Variants in PKD1L3 observed in about 807,000 individuals in gnomAD.
PKD1L3 encodes polycystin-1-like protein 3.
In PKD1L3, 239 loss-of-function variants were observed where a neutral mutation model predicts 184.1. The observed-to-expected ratio is 1.30, with a 90% CI of 1.17 to 1.45. The LOEUF (loss-of-function observed/expected upper bound fraction) is 1.45, where lower values mean the gene tolerates loss of function less well. PKD1L3 is among the 40% of genes most tolerant of loss of function. The pLI is 0.00. For synonymous variants in PKD1L3, 996 were observed against 778.8 expected, an observed-to-expected ratio of 1.28 and a Z score of -4.64; for missense variants, 2,660 against 2,067.2, an observed-to-expected ratio of 1.29 and a Z score of -5.56.
intron 16 of PKD1L3, among the ~76,000 whole-genome samples, chr16:71,956,711 T>A (rs1399306900): frequency 6.6e-6 from 1 of 152,188 alleles, no homozygotes; most frequent in African/African-American, 2.4e-5. Flanking sequence ...AGTTTCAGTT[T>A]TGCAAAGTGA....
intron 28 of PKD1L3, among the ~76,000 whole-genome samples, chr16:71,931,848 C>G (rs1370204278): frequency 1.3e-5 from 2 of 152,078 alleles, no homozygotes; most frequent in Non-Finnish European, 2.9e-5. Flanking sequence ...TTTAGATTAC[C>G]TCTAGTACTT....
At chr16:71,997,640 A>T (rs1451710949) in intron 2 of PKD1L3, among the ~76,000 whole-genome samples, 1 of 151,982 alleles carries the variant, frequency 6.6e-6, no homozygotes, top group Non-Finnish European at 1.5e-5. Context: ...CCCAGCTACT[A>T]GGGAGGCTGA....
In PKD1L3 at chr16:71,958,780, C is replaced by CA. The variant is rs547912125; in HGVS notation, c.2612+4424dup. On this transcript the variant is annotated intron_variant, in intron 16 of 29. Coordinates refer to ENST00000620267, the MANE Select transcript of PKD1L3 (RefSeq NM_181536.2). Reference sequence around the variant, plus strand: ...TAGGCGATAGAGCAAGACTCTATCTCAAAAAAAAAAAAAAAAAAAAAAAAA... The same window carrying CA: ...TAGGCGATAGAGCAAGACTCTATCTCAAAAAAAAAAAAAAAAAAAAAAAAAA... Among the ~76,000 whole-genome samples, 202 of 65,094 alleles carry CA rather than the reference C, an allele frequency of 3.1e-3. 2 individuals are homozygous for CA. Among genetic ancestry groups the CA allele is most frequent in the Non-Finnish European group, 3.4e-3 (124 of 36,706 alleles). The allele number at this position is 65,094 out of a possible 152,430, so 42.7% of individuals were successfully genotyped here. A position where few individuals can be genotyped will look rare whatever the true frequency, so the allele number is the denominator to read the frequency against.
Position 72,000,030 on chromosome 16 carries a change from C to G in PKD1L3, c.-52G>C. 7.5e-7 allele frequency: 1 copy of G among 1,337,116 alleles called. No homozygotes were observed. The highest frequency in any genetic ancestry group is 1.6e-5 in the South Asian group (1 of 60,908). 82.8% of individuals were successfully genotyped at this position (1,337,116 alleles called of 1,614,324 possible). ...TGTGGGGGTTTAGCAGCTGCCTGGT[C>G]CTTTAAATATATATATTGGCGGGCT... On this transcript the variant is annotated 5_prime_UTR_variant, in exon 1 of 30. Transcript: ENST00000620267.
Position 71,936,103 on chromosome 16 carries a change from CTAAAT to C in PKD1L3, c.4453-590_4453-586del, listed in dbSNP as rs543913145. On this transcript the variant is annotated intron_variant, in intron 25 of 29. Coordinates refer to ENST00000620267, the MANE Select transcript of PKD1L3 (RefSeq NM_181536.2). ...GAGCCACCATGCCCAGCAAAAATTTCTAAATTAGTTATCAAGCCTGAGAATGAAAA... is the reference window on the plus strand; with the variant it reads ...GAGCCACCATGCCCAGCAAAAATTTCTAGTTATCAAGCCTGAGAATGAAAA... Among the ~76,000 whole-genome samples, 54 of 147,760 alleles carry C rather than the reference CTAAAT, an allele frequency of 3.7e-4. No homozygotes were observed. In the South Asian group the frequency reaches 0.011, roughly 31 times the overall value.
At chr16:71,998,488 T>G in intron 1 of PKD1L3, 94 bp from the exon 2 acceptor site, 1 of 1,446,146 alleles carries the variant, frequency 6.9e-7, no homozygotes, top group Non-Finnish European at 9.1e-7. Flanking sequence ...TCCCACTCAG[T>G]CACCCAAGCT....
At chr16:71,998,511 T>C in intron 1 of PKD1L3, 117 bp from the exon 2 acceptor site, 1 of 1,323,132 alleles carries the variant, frequency 7.6e-7, no homozygotes, top group Non-Finnish European at 1.0e-6. Flanking sequence ...AGTGCAGTGG[T>C]GTGATCTTCA....
At chr16:71,966,679 G>A (rs1389877278) in intron 15 of PKD1L3, among the ~76,000 whole-genome samples, 2 of 151,938 alleles carry the variant, frequency 1.3e-5, no homozygotes, top group Non-Finnish European at 2.9e-5. Context: ...TGATCTTCCT[G>A]CCTTGGCCTC....
At position 71,984,079 on chromosome 16, in the gene PKD1L3, T is replaced by G; in HGVS notation, c.923A>C (p.Gln308Pro). Residue 308 changes from glutamine (Q) to proline (P), a missense_variant, in exon 6 of 30, where the codon CAG becomes CCG. Physicochemically the swap from Gln to Pro is moderately conservative, Grantham distance 76. Transcript: ENST00000620267. The part of the protein sequence containing the change: ...NKLQEACEFL[Q>P]KLTALTPRFS... ...TCTTGGGGTTAAGGCTGTTAGTTTC[T>G]GGAGGAACTCACAAGCTTCCTGTAG... is the stretch of plus-strand genomic sequence containing the variant. The G allele has an allele frequency of 6.4e-7, 1 of 1,552,324 alleles. No individual in the cohort carries two copies. The highest frequency in any genetic ancestry group is 8.7e-7 in the Non-Finnish European group (1 of 1,147,110).
chr16:71,974,017 T>A (rs112029155), intron 11 of PKD1L3, among the ~76,000 whole-genome samples: 1,722 of 121,056 alleles, frequency 0.014, 71 homozygotes, highest in Admixed American at 0.097. Flanking sequence ...AAAAAAAAAA[T>A]ATATATATTC....
At chr16:71,942,109 G>A (rs1179959448) in intron 24 of PKD1L3, among the ~76,000 whole-genome samples, 1 of 151,734 alleles carries the variant, frequency 6.6e-6, no homozygotes. Context: ...GAGGTCAGGA[G>A]TTCAAGACCA....
At position 71,942,694 on chromosome 16, in the gene PKD1L3, C is replaced by T; in HGVS notation, c.4190G>A (p.Ser1397Asn). The change falls in exon 24 of 30, where the codon AGC becomes AAC. Residue 1397 changes from serine (S) to asparagine (N), a missense_variant. Coordinates refer to ENST00000620267, the MANE Select transcript of PKD1L3 (RefSeq NM_181536.2). ...CCTTAGATGAAGTCCAGGGAATAGG[C>T]TCTTGGGACGCCCACAGGTATGGCC... ...DNGHTCGRPKSLFPGLHLRRF... is the reference protein window; with the variant it reads ...DNGHTCGRPKNLFPGLHLRRF... The T allele has an allele frequency of 1.9e-6, 3 of 1,551,728 alleles. No homozygotes were observed. Among genetic ancestry groups the T allele is most frequent in the Middle Eastern group, 3.3e-4 (2 of 5,992 alleles).
chr16:71,967,325 G>C lies in PKD1L3; in HGVS notation c.2287-10C>G. ...AGAGGGTGATGACAACCTACAATGA[G>C]ACAGGGAAAGATAAAATATAAGGAA... is the stretch of plus-strand genomic sequence containing the variant. On this transcript the variant is annotated splice_polypyrimidine_tract_variant and intron_variant, in intron 14 of 29. Transcript: ENST00000620267. 6.5e-7 allele frequency: 1 copy of C among 1,543,976 alleles called. No homozygotes were observed. The highest frequency in any genetic ancestry group is 8.7e-7 in the Non-Finnish European group (1 of 1,144,040).
intron 13 of PKD1L3, among the ~76,000 whole-genome samples, chr16:71,968,398 A>C (rs1395343481): frequency 6.6e-6 from 1 of 152,202 alleles, no homozygotes; most frequent in Non-Finnish European, 1.5e-5. Flanking sequence ...TTTAAAATGC[A>C]AATTTAACTA....
rs763529021 is a variant in PKD1L3 at position 71,955,775 on chromosome 16, C to T, written c.2613-1474G>A. Among the ~76,000 whole-genome samples the T allele has an allele frequency of 2.4e-4, 37 of 152,222 alleles. 1 individual carries two copies. The highest frequency in any genetic ancestry group is 5.8e-4 in the African/African-American group (24 of 41,528). On this transcript the variant is annotated intron_variant, in intron 16 of 29. Coordinates refer to ENST00000620267, the MANE Select transcript of PKD1L3 (RefSeq NM_181536.2). ...GTTTCCCCCATCCTGTTCTTGTGATCGTGAGCGAGTTCTCACAAGACCTGA... is the reference window on the plus strand; with the variant it reads ...GTTTCCCCCATCCTGTTCTTGTGATTGTGAGCGAGTTCTCACAAGACCTGA...
At chr16:71,954,040 A>G in intron 17 of PKD1L3, 65 bp downstream of exon 17, 5 of 1,324,860 alleles carry the variant, frequency 3.8e-6, no homozygotes, top group Non-Finnish European at 5.0e-6. Context: ...ACAGAGCAAG[A>G]CCCTGTCTCA....
chr16:71,993,322 CAA>C lies in PKD1L3; in HGVS notation c.427_428del (p.Leu143GlyfsTer7), dbSNP rs1302629848. On this transcript the variant is annotated frameshift_variant, in exon 3 of 30. Coordinates refer to ENST00000620267, the MANE Select transcript of PKD1L3 (RefSeq NM_181536.2). LOFTEE classifies it high-confidence loss of function. Reference sequence around the variant, plus strand: ...TTCTTTCATAATGGGCATCTCCGTCCAAAAAGTCACCTATTTGAAAGCCAACA... The same window carrying C: ...TTCTTTCATAATGGGCATCTCCGTCCAAAGTCACCTATTTGAAAGCCAACA... ...YYFICQTGDF[L>X]DGDAHYERNG... The C allele has an allele frequency of 4.5e-6, 7 of 1,542,804 alleles. No homozygotes were observed. The highest frequency in any genetic ancestry group is 3.3e-4 in the Middle Eastern group (2 of 5,978).
Position 71,947,592 on chromosome 16 carries a change from C to A in PKD1L3, c.3619-1G>T. On this transcript the variant is annotated splice_acceptor_variant, in intron 21 of 29. Coordinates refer to ENST00000620267, the MANE Select transcript of PKD1L3 (RefSeq NM_181536.2). LOFTEE classifies it high-confidence loss of function. ...AGTATAAGAATGTGAAGAAGACCAC[C>A]TGGGCAGGAGAATCACAGAACATCG... 1 of 1,526,026 alleles carries A rather than the reference C, an allele frequency of 6.6e-7. No homozygotes were observed. The allele number at this position is 1,526,026 out of a possible 1,614,324, so 94.5% of individuals were successfully genotyped here. A position where few individuals can be genotyped will look rare whatever the true frequency, so the allele number is the denominator to read the frequency against.
chr16:71,949,942 C>T lies in PKD1L3; in HGVS notation c.3459G>A (p.Leu1153=). Residue 1153 remains leucine (L), a synonymous_variant, in exon 21 of 30, where the codon TTG becomes TTA. Coordinates refer to ENST00000620267, the MANE Select transcript of PKD1L3 (RefSeq NM_181536.2). ...KPISNGLSKW[L]TSVCWLLLGF... is the part of the protein sequence containing the mutation. ...CTAAGAGGAGCCAGCAGACTGAAGT[C>T]AACCATTTGGACAGGCCATTTGAGA... 1 of 1,551,642 alleles carries T rather than the reference C, an allele frequency of 6.4e-7. No individual in the cohort carries two copies.
Sources: allele counts gnomAD v4.1 joint callset (sites outside exome capture counted in the v4.1 genomes callset), GRCh38; gene constraint gnomAD v4.1.1; transcripts MANE v1.5; gene names NCBI Gene and HGNC (gene_info 2026-07-23, HGNC 2026-07-21).